The following NCS1 variants were observed in gnomAD, a reference collection of about 807,000 sequenced individuals.
NCS1 encodes frequenin homolog.
A neutral mutation model predicts 28.4 loss-of-function variants in NCS1; 6 were observed. The observed-to-expected ratio is 0.21, with a 90% CI of 0.12 to 0.42. The LOEUF (loss-of-function observed/expected upper bound fraction) is 0.42. Ranked by LOEUF, NCS1 falls within the 10% of genes least tolerant of loss-of-function variation. NCS1 has a pLI of 1.00. For synonymous variants in NCS1, 86 were observed against 99.3 expected (o/e 0.87, Z 0.79); for missense variants, 131 against 241.4 (o/e 0.54, Z 3.03).
In NCS1 at chr9:130,184,363, G is replaced by A. The variant is rs549376584; in HGVS notation, c.64+11636G>A. 2.0e-5 allele frequency among the ~76,000 whole-genome samples: 3 copies of A among 152,162 alleles called. No homozygotes were observed. In the South Asian group the frequency reaches 6.2e-4, roughly 32 times the overall value. On this transcript the variant is annotated intron_variant, in intron 1 of 7. Transcript: ENST00000372398. ...CTCTACTGGTTAGTTCTGGGACCTT[G>A]GTCTGGCCTTTCCCACCGAGCCCTC... is the stretch of plus-strand genomic sequence containing the variant.
chr9:130,190,046 G>GAGAGAGAGAA (rs1473724867), intron 1 of NCS1, among the ~76,000 whole-genome samples: 11 of 150,278 alleles, frequency 7.3e-5, no homozygotes, highest in African/African-American at 2.7e-4. Context: ...GAGAGAGAGA[G>GAGAGAGAGAA]AGAGAGAGAG....
At chr9:130,173,534 C>T (rs1286693950) in intron 1 of NCS1, among the ~76,000 whole-genome samples, 1 of 152,198 alleles carries the variant, frequency 6.6e-6, no homozygotes, top group Non-Finnish European at 1.5e-5. Context: ...TCCCTGCAGC[C>T]TCTCCGGAGG....
At chr9:130,178,225 G>A (rs1450414908) in intron 1 of NCS1, among the ~76,000 whole-genome samples, 7 of 152,310 alleles carry the variant, frequency 4.6e-5, no homozygotes, top group Middle Eastern at 3.4e-3. Context: ...CAAGTCTTCC[G>A]CATCCAGGGC....
At chr9:130,216,074 C>T (rs1833180236) in intron 2 of NCS1, among the ~76,000 whole-genome samples, 1 of 152,212 alleles carries the variant, frequency 6.6e-6, no homozygotes, top group South Asian at 2.1e-4. Context: ...CCACATGTCC[C>T]TTCACATGTG....
chr9:130,218,323 C>G (rs12346070), intron 3 of NCS1, among the ~76,000 whole-genome samples: 37,883 of 152,230 alleles, frequency 0.25, 5,094 homozygotes, highest in Admixed American at 0.33. Flanking sequence ...CAGCCACACA[C>G]GTGAACATAC....
intron 1 of NCS1, among the ~76,000 whole-genome samples, chr9:130,182,894 C>A (rs1011403320): frequency 6.6e-6 from 1 of 152,228 alleles, no homozygotes; most frequent in Non-Finnish European, 1.5e-5. Flanking sequence ...GAGAAAGAGA[C>A]CAAGTCCTCA....
chr9:130,207,749 A>G (rs1180124635), intron 2 of NCS1, among the ~76,000 whole-genome samples: 1 of 152,210 alleles, frequency 6.6e-6, no homozygotes, highest in Non-Finnish European at 1.5e-5. Flanking sequence ...CCAACTGGGC[A>G]TGCTCACCCT....
At chr9:130,212,180 C>T (rs782546798) in intron 2 of NCS1, among the ~76,000 whole-genome samples, 29 of 152,276 alleles carry the variant, frequency 1.9e-4, no homozygotes, top group Non-Finnish European at 3.1e-4. Flanking sequence ...GGAAAGCACA[C>T]GGCCGCGTGC....
chr9:130,172,793 C>G (rs1269581508), intron 1 of NCS1, 66 bp downstream of exon 1: 10 of 857,984 alleles, frequency 1.2e-5, no homozygotes, highest in South Asian at 3.0e-5. Flanking sequence ...CCCGCCCCCG[C>G]CCCCCGGACC....
At chr9:130,182,723 G>A (rs1437982861) in intron 1 of NCS1, among the ~76,000 whole-genome samples, 2 of 152,204 alleles carry the variant, frequency 1.3e-5, no homozygotes, top group Non-Finnish European at 2.9e-5. Flanking sequence ...CCCGCCCTGG[G>A]AACTTAGGAG....
In NCS1 at chr9:130,190,032, A is replaced by AAGAGAGAG. The variant is rs34529294; in HGVS notation, c.65-10900_65-10893dup. On this transcript the variant is annotated intron_variant, in intron 1 of 7. Coordinates refer to ENST00000372398, the MANE Select transcript of NCS1 (RefSeq NM_014286.4). ...GGGGGTAGTTCTTGTATGTTTATGC[A>AAGAGAGAG]AGAGAGAGAGAGAGAGAGAGAGAGA... Among the ~76,000 whole-genome samples, 998 of 120,470 alleles carry AAGAGAGAG rather than the reference A, an allele frequency of 8.3e-3. 17 individuals are homozygous for AAGAGAGAG. Among genetic ancestry groups the AAGAGAGAG allele is most frequent in the African/African-American group, 0.024 (710 of 30,002 alleles). The allele number at this position is 120,470 out of a possible 152,430, so 79.0% of individuals were successfully genotyped here.
rs1050912567 is a variant in NCS1 at position 130,215,139 on chromosome 9, C to T, written c.90-2693C>T. On this transcript the variant is annotated intron_variant, in intron 2 of 7. Transcript: ENST00000372398. This position sits in a 1 kb window ranked among gnomAD's most constrained non-coding sequence, Gnocchi z 4.2. ...CGAAGAAGAAGTAACCATCTGACAT[C>T]CAGAGATGTCTGGTGACAGTTGGGT... Among the ~76,000 whole-genome samples, 1 of 152,228 alleles carries T rather than the reference C, an allele frequency of 6.6e-6. No homozygotes were observed. Among genetic ancestry groups the T allele is most frequent in the Admixed American group, 6.5e-5 (1 of 15,288 alleles).
Position 130,234,356 on chromosome 9 carries a change from G to T in NCS1, c.*1384G>T, listed in dbSNP as rs1040637382. 15 of 152,266 alleles carry T rather than the reference G, an allele frequency of 9.9e-5. No individual in the cohort carries two copies. Among genetic ancestry groups the T allele is most frequent in the Non-Finnish European group, 1.8e-4 (12 of 68,108 alleles). 9.4% of individuals were successfully genotyped at this position (152,266 alleles called of 1,614,324 possible). A position where few individuals can be genotyped will look rare whatever the true frequency, so the allele number is the denominator to read the frequency against. ...GGGCTGCGGCCCACATGTCTTCACG[G>T]AGGCTTCCAGCGGTGCCTGCCACTG... is the stretch of plus-strand genomic sequence containing the variant. On this transcript the variant is annotated 3_prime_UTR_variant, in exon 8 of 8. Coordinates refer to ENST00000372398, the MANE Select transcript of NCS1 (RefSeq NM_014286.4). This position sits in a 1 kb window ranked among gnomAD's most constrained non-coding sequence, Gnocchi z 6.1.
intron 2 of NCS1, among the ~76,000 whole-genome samples, chr9:130,207,731 G>A (rs137968530): frequency 7.7e-4 from 117 of 152,348 alleles, no homozygotes; most frequent in African/African-American, 2.6e-3. Flanking sequence ...TAGGAGGCCC[G>A]GGCCAGGCCA....
At chr9:130,217,254 G>A (rs1554909546) in intron 2 of NCS1, among the ~76,000 whole-genome samples, 1 of 152,228 alleles carries the variant, frequency 6.6e-6, no homozygotes, top group Non-Finnish European at 1.5e-5. Context: ...CACTGGGACT[G>A]CAGGGTGGAC....
At chr9:130,174,197 C>T (rs1588105025) in intron 1 of NCS1, among the ~76,000 whole-genome samples, 1 of 152,206 alleles carries the variant, frequency 6.6e-6, no homozygotes, top group South Asian at 2.1e-4. Flanking sequence ...TCCTGGGTCC[C>T]TGTGCCGGGG....
At chr9:130,223,768 TA>T (rs1388168178) in intron 6 of NCS1, among the ~76,000 whole-genome samples, 2 of 152,022 alleles carry the variant, frequency 1.3e-5, no homozygotes, top group East Asian at 3.9e-4. Flanking sequence ...TAGAGGTTAG[TA>T]AAAAAAGGCT....
intron 1 of NCS1, among the ~76,000 whole-genome samples, chr9:130,199,104 T>C (rs1188372829): frequency 6.6e-6 from 1 of 151,970 alleles, no homozygotes; most frequent in Non-Finnish European, 1.5e-5. Flanking sequence ...TTCTCTTTTT[T>C]TTTTTTTGAG....
rs1192782356 is a variant in NCS1, at chr9:130,186,362, A to C, written c.64+13635A>C. ...GGGAGGGCTTCCTGGAGGAGGTAAT[A>C]TTGTAGTTGAGACCCGGGGCTAGGG... On this transcript the variant is annotated intron_variant, in intron 1 of 7. Coordinates refer to ENST00000372398, the MANE Select transcript of NCS1 (RefSeq NM_014286.4). This position sits in a 1 kb window ranked among gnomAD's most constrained non-coding sequence, Gnocchi z 4.1. 3.3e-5 allele frequency among the ~76,000 whole-genome samples: 5 copies of C among 152,104 alleles called. No individual in the cohort carries two copies. Among genetic ancestry groups the C allele is most frequent in the Non-Finnish European group, 5.9e-5 (4 of 68,010 alleles).
Sources: gnomAD v4.1 joint callset for allele counts (sites outside exome capture counted in the v4.1 genomes callset) on GRCh38, gnomAD v4.1.1 for gene constraint, Gnocchi (gnomAD v3.1) non-coding constraint, MANE v1.5 for transcripts, NCBI Gene and HGNC (gene_info 2026-07-23, HGNC 2026-07-21) for gene names.